SLC24A2: variants seen among roughly 807,000 people sequenced by gnomAD.
SLC24A2 encodes solute carrier family 24 member 2, also known as sodium/potassium/calcium exchanger 2.
Under a neutral mutation model 62.0 loss-of-function variants are expected in SLC24A2, and 36 were observed. That is an observed-to-expected ratio of 0.58 (90% CI 0.44 to 0.77). SLC24A2 has a LOEUF of 0.77. Among genes scored for constraint, SLC24A2 ranks in the 30% least tolerant of loss-of-function variants. SLC24A2 has a pLI of 0.00. For missense variants in SLC24A2, 846 were observed against 817.9 expected, an observed-to-expected ratio of 1.03 and a Z score of -0.42; for synonymous variants, 358 against 294.0, an observed-to-expected ratio of 1.22 and a Z score of -2.23.
the SLC24A2 span, among the ~76,000 whole-genome samples, chr9:19,863,374 AC>A: frequency 1.3e-5 from 2 of 152,004 alleles, no homozygotes; most frequent in African/African-American, 4.8e-5. Context: ...CTTAATCTGT[AC>A]TCTAGACCAA....
the SLC24A2 span, among the ~76,000 whole-genome samples, chr9:19,835,339 T>G: frequency 0.014 from 2,111 of 152,172 alleles, 55 homozygotes; most frequent in African/African-American, 0.049. Flanking sequence ...CCATCACACA[T>G]GCAGAGACAC....
chr9:20,188,709 G>A, the SLC24A2 span, among the ~76,000 whole-genome samples: 2 of 152,194 alleles, frequency 1.3e-5, 1 homozygote, highest in African/African-American at 4.8e-5. Context: ...AGGATGACGG[G>A]AGAAGAAGCC....
the SLC24A2 span, among the ~76,000 whole-genome samples, chr9:19,811,140 A>T: frequency 2.0e-5 from 3 of 152,140 alleles, no homozygotes; most frequent in African/African-American, 7.2e-5. Flanking sequence ...CATGAATGAG[A>T]TGAGTGCCTT....
chr9:19,695,511 T>C (rs933052255), intron 2 of SLC24A2, among the ~76,000 whole-genome samples: 5 of 152,000 alleles, frequency 3.3e-5, no homozygotes, highest in African/African-American at 9.7e-5. Context: ...AAAACTGTAA[T>C]TGATACAACC....
At chr9:20,158,308 TCA>T in the SLC24A2 span, among the ~76,000 whole-genome samples, 1 of 151,686 alleles carries the variant, frequency 6.6e-6, no homozygotes, top group African/African-American at 2.4e-5. Context: ...CCTCCAATAT[TCA>T]CACATTACAA....
At chr9:20,232,471 T>G in the SLC24A2 span, among the ~76,000 whole-genome samples, 1 of 152,220 alleles carries the variant, frequency 6.6e-6, no homozygotes, top group Admixed American at 6.5e-5. Flanking sequence ...TGGGAGGATG[T>G]ACGTGTCGAG....
At chr9:20,019,904 G>A in the SLC24A2 span, among the ~76,000 whole-genome samples, 78 of 150,356 alleles carry the variant, frequency 5.2e-4, no homozygotes, top group African/African-American at 1.8e-3. Flanking sequence ...CCAAAAAGTG[G>A]GTAAAGGATA....
chr9:19,871,934 A>T, the SLC24A2 span, among the ~76,000 whole-genome samples: 406 of 152,272 alleles, frequency 2.7e-3, 2 homozygotes, highest in African/African-American at 9.5e-3. Context: ...ACAAACTTGC[A>T]ATTTTGAAGA....
At chr9:19,962,357 G>A in the SLC24A2 span, among the ~76,000 whole-genome samples, 2 of 152,158 alleles carry the variant, frequency 1.3e-5, no homozygotes, top group Non-Finnish European at 2.9e-5. Context: ...GCTCTTTTTG[G>A]TTCCATATGA....
the SLC24A2 span, among the ~76,000 whole-genome samples, chr9:19,951,842 G>T: frequency 6.6e-6 from 1 of 151,936 alleles, no homozygotes; most frequent in Non-Finnish European, 1.5e-5. Flanking sequence ...ATAAATTTTA[G>T]AATTTTCTCA....
the SLC24A2 span, among the ~76,000 whole-genome samples, chr9:19,963,065 A>T: frequency 6.6e-6 from 1 of 152,136 alleles, no homozygotes; most frequent in Non-Finnish European, 1.5e-5. Context: ...ATAACGCCGC[A>T]TATCTACAAC....
the SLC24A2 span, among the ~76,000 whole-genome samples, chr9:20,273,762 G>C: frequency 2.6e-5 from 4 of 151,984 alleles, no homozygotes; most frequent in African/African-American, 9.7e-5. Context: ...AATACACCAA[G>C]TTTCCCCAGT....
chr9:20,022,652 TTC>T, the SLC24A2 span, among the ~76,000 whole-genome samples: 1 of 152,204 alleles, frequency 6.6e-6, no homozygotes, highest in African/African-American at 2.4e-5. Flanking sequence ...TCTCTGCTGC[TTC>T]TCTCTCACCA....
At chr9:19,971,447 G>A in the SLC24A2 span, among the ~76,000 whole-genome samples, 2 of 152,206 alleles carry the variant, frequency 1.3e-5, no homozygotes, top group African/African-American at 4.8e-5. Context: ...AGCTACAGTA[G>A]GGATATGTGT....
At chr9:20,206,881 T>TG in the SLC24A2 span, among the ~76,000 whole-genome samples, 104,365 of 148,374 alleles carry the variant, frequency 0.7, 38,285 homozygotes, top group Non-Finnish European at 0.83. Flanking sequence ...AAAACTAAGT[T>TG]GGGGGGGGCG....
chr9:19,520,774 C>T, intron 10 of SLC24A2, 120 bp downstream of exon 10: 2 of 879,270 alleles, frequency 2.3e-6, no homozygotes, highest in Non-Finnish European at 3.8e-6. Flanking sequence ...TCAATCTTTA[C>T]TCTGTATTGG....
the SLC24A2 span, among the ~76,000 whole-genome samples, chr9:19,854,919 G>C: frequency 1.3e-5 from 2 of 152,158 alleles, no homozygotes; most frequent in Admixed American, 6.5e-5. Context: ...TATTGTGTGT[G>C]AGTCTGAGTC....
At chr9:20,273,785 C>T in the SLC24A2 span, among the ~76,000 whole-genome samples, 50,380 of 152,024 alleles carry the variant, frequency 0.33, 8,492 homozygotes, top group South Asian at 0.43. Context: ...AATATTAAAC[C>T]TTACCCCCAT....
the SLC24A2 span, among the ~76,000 whole-genome samples, chr9:19,975,726 G>A: frequency 6.6e-6 from 1 of 151,804 alleles, no homozygotes; most frequent in Non-Finnish European, 1.5e-5. Context: ...GACTCATTTG[G>A]GTTGGAGACT....
Sources: gnomAD v4.1 joint callset for allele counts (sites outside exome capture counted in the v4.1 genomes callset) on GRCh38, gnomAD v4.1.1 for gene constraint, MANE v1.5 for transcripts, NCBI Gene and HGNC (gene_info 2026-07-23, HGNC 2026-07-21) for gene names.